ALG6: variants seen among roughly 807,000 people sequenced by gnomAD.
The protein encoded by ALG6 is ALG6 alpha-1,3-glucosyltransferase.
In ALG6, 46 loss-of-function variants were observed where a neutral mutation model predicts 66.6. That is an observed-to-expected ratio of 0.69 (90% CI 0.55 to 0.88). ALG6 has a LOEUF of 0.88. Ranked by LOEUF, ALG6 falls within the 40% of genes least tolerant of loss-of-function variation. The pLI, the probability that ALG6 is intolerant of heterozygous loss-of-function variation, is 0.00. For synonymous variants in ALG6, 185 were observed against 203.7 expected, an observed-to-expected ratio of 0.91 and a Z score of 0.78; for missense variants, 505 against 586.8, an observed-to-expected ratio of 0.86 and a Z score of 1.44.
chr1:63,400,696 A>G (rs1644460941), intron 3 of ALG6, among the ~76,000 whole-genome samples: 1 of 152,120 alleles, frequency 6.6e-6, no homozygotes, highest in Non-Finnish European at 1.5e-5. Context: ...TGAAAACCAA[A>G]TCAAGTTGTA....
chr1:63,409,721 A>G (rs947909701), intron 7 of ALG6, among the ~76,000 whole-genome samples: 1 of 151,850 alleles, frequency 6.6e-6, no homozygotes, highest in Non-Finnish European at 1.5e-5. Flanking sequence ...ATCCTAGTGT[A>G]TCTATTTTTA....
At chr1:63,405,864 C>T (rs1411253013) in intron 5 of ALG6, among the ~76,000 whole-genome samples, 2 of 151,538 alleles carry the variant, frequency 1.3e-5, no homozygotes, top group African/African-American at 2.4e-5. Flanking sequence ...TTCTCCTCAC[C>T]TGGGTTTCTC....
At chr1:63,427,040 C>T (rs12063949) in intron 12 of ALG6, among the ~76,000 whole-genome samples, 3,168 of 152,108 alleles carry the variant, frequency 0.021, 96 homozygotes, top group African/African-American at 0.073. Flanking sequence ...CTTGCTCTGT[C>T]ACCAGGCTGG....
intron 12 of ALG6, among the ~76,000 whole-genome samples, chr1:63,424,251 C>T (rs1474428283): frequency 1.3e-5 from 2 of 152,170 alleles, no homozygotes; most frequent in African/African-American, 4.8e-5. Flanking sequence ...AGTGATTCTC[C>T]TGCCTCAGCC....
chr1:63,396,972 A>G (rs1648842999), intron 3 of ALG6, among the ~76,000 whole-genome samples: 1 of 152,196 alleles, frequency 6.6e-6, no homozygotes, highest in Admixed American at 6.5e-5. Context: ...GATAAAAATA[A>G]AAGAGAGCTT....
intron 9 of ALG6, among the ~76,000 whole-genome samples, chr1:63,413,392 T>G (rs917375781): frequency 6.6e-6 from 1 of 152,230 alleles, no homozygotes; most frequent in Non-Finnish European, 1.5e-5. Context: ...GTCTCTTCCA[T>G]TCACTTCTTG....
rs1379849306 is a variant in ALG6 at position 63,437,163 on chromosome 1, A to ATTG, written c.*148_*150dup. On this transcript the variant is annotated 3_prime_UTR_variant, in exon 15 of 15. Transcript: ENST00000263440. Reference sequence around the variant, plus strand: ...ACAGGAAAGGAAATGGTGAAAAGTCATTGTTGTCTACACAAAATAAATGTA... The same window carrying ATTG: ...ACAGGAAAGGAAATGGTGAAAAGTCATTGTTGTTGTCTACACAAAATAAATGTA... 2 of 747,336 alleles carry ATTG rather than the reference A, an allele frequency of 2.7e-6. No individual in the cohort carries two copies. Among genetic ancestry groups the ATTG allele is most frequent in the South Asian group, 1.7e-5 (1 of 57,894 alleles). The allele number at this position is 747,336 out of a possible 1,614,324, so 46.3% of individuals were successfully genotyped here. A position where few individuals can be genotyped will look rare whatever the true frequency, so the allele number is the denominator to read the frequency against.
chr1:63,380,025 T>G (rs905011114), intron 2 of ALG6, among the ~76,000 whole-genome samples: 4 of 151,820 alleles, frequency 2.6e-5, no homozygotes, highest in African/African-American at 4.8e-5. Flanking sequence ...AAAAGCAACT[T>G]TTGTGCAAGA....
rs1350999521 is a variant in ALG6 at position 63,400,351 on chromosome 1, A to G, written c.168-1903A>G. ...TATATATATACGTATATATATATGT[A>G]TATATATATGTATATATATGTATAT... On this transcript the variant is annotated intron_variant, in intron 3 of 14. Transcript: ENST00000263440. Among the ~76,000 whole-genome samples the G allele has an allele frequency of 3.2e-4, 38 of 117,244 alleles. 7 individuals are homozygous for G. The highest frequency in any genetic ancestry group is 7.3e-4 in the South Asian group (3 of 4,082). The allele number at this position is 117,244 out of a possible 152,430, so 76.9% of individuals were successfully genotyped here.
intron 3 of ALG6, among the ~76,000 whole-genome samples, chr1:63,400,207 AT>A (rs754266821): frequency 0.051 from 1,492 of 29,314 alleles, 264 homozygotes; most frequent in African/African-American, 0.15. Flanking sequence ...AAAAAAAAAA[AT>A]ATATATATAT....
At chr1:63,429,212 T>A in intron 14 of ALG6, 86 bp downstream of exon 14, 2 of 972,464 alleles carry the variant, frequency 2.1e-6, no homozygotes, top group Non-Finnish European at 3.1e-6. Context: ...CTTTTATACC[T>A]TTTTGAGATA....
intron 1 of ALG6, among the ~76,000 whole-genome samples, chr1:63,368,861 G>A (rs1345831440): frequency 1.3e-5 from 2 of 152,050 alleles, no homozygotes; most frequent in Admixed American, 6.6e-5. Context: ...CAAATTATAA[G>A]TTGTAACTTG....
At chr1:63,411,440 T>A in intron 8 of ALG6, 109 bp downstream of exon 8, 1 of 1,074,480 alleles carries the variant, frequency 9.3e-7, no homozygotes, top group Non-Finnish European at 1.3e-6. Context: ...TGATTTCTTA[T>A]AAATATTTTG....
At chr1:63,374,330 T>C (rs1444893291) in intron 2 of ALG6, among the ~76,000 whole-genome samples, 4 of 152,148 alleles carry the variant, frequency 2.6e-5, no homozygotes, top group African/African-American at 9.7e-5. Flanking sequence ...TATTAATACA[T>C]ACTTTAAGAG....
At chr1:63,378,150 GT>G (rs1214631281) in intron 2 of ALG6, among the ~76,000 whole-genome samples, 2 of 151,908 alleles carry the variant, frequency 1.3e-5, no homozygotes, top group African/African-American at 2.4e-5. Flanking sequence ...ACCTTTGGGA[GT>G]TTTTTTTGGT....
intron 10 of ALG6, 150 bp from the exon 11 acceptor site, chr1:63,415,723 A>T: frequency 2.0e-6 from 1 of 509,820 alleles, no homozygotes; most frequent in East Asian, 3.4e-5. Context: ...ATGTTATTTC[A>T]TCTTTAAATT....
intron 12 of ALG6, among the ~76,000 whole-genome samples, chr1:63,426,788 C>T (rs949018559): frequency 2.6e-5 from 4 of 152,130 alleles, no homozygotes; most frequent in Admixed American, 2.6e-4. Context: ...AAGTGATCCT[C>T]CCACCTTGGC....
rs150534995 is a variant in ALG6 at position 63,409,643 on chromosome 1, A to T, written c.495-1503A>T. On this transcript the variant is annotated intron_variant, in intron 7 of 14. Transcript: ENST00000263440. ...TTCCCTGAGTGATTTTAATTCTTTC[A>T]TGGTCATTTAGTTTCCCTTTCATTT... Among the ~76,000 whole-genome samples the T allele has an allele frequency of 8.9e-4, 135 of 152,112 alleles. 3 individuals carry two copies. The East Asian group carries it at 0.014, about 16-fold the overall frequency.
intron 2 of ALG6, among the ~76,000 whole-genome samples, chr1:63,395,967 C>T (rs908219276): frequency 2.0e-5 from 3 of 152,016 alleles, no homozygotes; most frequent in Non-Finnish European, 2.9e-5. Flanking sequence ...AGTATAACAA[C>T]TATTTATGTA....
Sources: gnomAD v4.1 joint callset for allele counts (sites outside exome capture counted in the v4.1 genomes callset) on GRCh38, gnomAD v4.1.1 for gene constraint, MANE v1.5 for transcripts, NCBI Gene and HGNC (gene_info 2026-07-23, HGNC 2026-07-21) for gene names.